Variants in GANC observed in about 807,000 individuals in gnomAD.
GANC encodes the protein neutral alpha-glucosidase C.
A neutral mutation model predicts 124.2 loss-of-function variants in GANC; 117 were observed. The ratio of observed to expected loss-of-function variants is 0.94; its 90% CI spans 0.81 to 1.10. The LOEUF (loss-of-function observed/expected upper bound fraction) is 1.10. GANC is among the 50% of genes least tolerant of loss of function. The pLI, the probability that GANC is intolerant of heterozygous loss-of-function variation, is 0.00. For synonymous variants in GANC, 377 were observed against 376.8 expected, an observed-to-expected ratio of 1.00 and a Z score of -0.01; for missense variants, 1,140 against 1,095.0, an observed-to-expected ratio of 1.04 and a Z score of -0.58.
chr15:42,310,545 A>T (rs1344897132), intron 9 of GANC, 82 bp downstream of exon 9: 1 of 1,463,268 alleles, frequency 6.8e-7, no homozygotes, highest in African/African-American at 1.4e-5. Flanking sequence ...TTATCTTTGT[A>T]TTGGCACTTC....
chr15:42,330,492 G>T, intron 14 of GANC, 84 bp from the exon 15 acceptor site: 1 of 875,576 alleles, frequency 1.1e-6, no homozygotes, highest in Non-Finnish European at 1.9e-6. Context: ...CCTACTGTTT[G>T]CTTTTTGTAT....
chr15:42,342,365 T>C (rs919032452), intron 18 of GANC, among the ~76,000 whole-genome samples: 4 of 152,142 alleles, frequency 2.6e-5, no homozygotes, highest in African/African-American at 9.7e-5. Context: ...TGAGATCGCT[T>C]AAATTGAGGA....
intron 4 of GANC, among the ~76,000 whole-genome samples, chr15:42,290,997 A>G (rs780574301): frequency 4.6e-5 from 7 of 151,970 alleles, no homozygotes; most frequent in African/African-American, 1.7e-4. Context: ...TAAAATATAC[A>G]TGCACGGGGA....
intron 17 of GANC, 89 bp from the exon 18 acceptor site, chr15:42,340,601 T>TAA (rs369001717): frequency 0.022 from 17,483 of 778,312 alleles, no homozygotes; most frequent in East Asian, 0.03. Context: ...GAGATCCATC[T>TAA]AAAAAAAAAA....
At chr15:42,345,659 G>A in intron 19 of GANC, 99 bp from the exon 20 acceptor site, 3 of 672,304 alleles carry the variant, frequency 4.5e-6, no homozygotes, top group East Asian at 5.3e-5. Flanking sequence ...TAGCTTTCTG[G>A]TTATTTGAAA....
intron 15 of GANC, among the ~76,000 whole-genome samples, chr15:42,332,281 T>G (rs1336611633): frequency 6.6e-6 from 1 of 152,212 alleles, no homozygotes; most frequent in Admixed American, 6.5e-5. Flanking sequence ...TTTTTTCTTT[T>G]ATCTAACTTT....
chr15:42,329,321 C>G lies in GANC; in HGVS notation c.1516C>G (p.Leu506Val). The change falls in exon 14 of 24, where the codon CTC becomes GTC. Residue 506 changes from leucine to valine, a missense_variant. By Grantham distance (32) the Leu-to-Val change is conservative. Coordinates refer to ENST00000318010, the MANE Select transcript of GANC (RefSeq NM_198141.3). ...TACTTCCTAGGGATCTACGGACATC[C>G]TCTTCCTTTGGAATGACATGAATGA... The part of the protein sequence containing the change: ...FPVYQGSTDI[L>V]FLWNDMNEPS... 1 of 1,613,620 alleles carries G rather than the reference C, an allele frequency of 6.2e-7. No homozygotes were observed. Among genetic ancestry groups the G allele is most frequent in the South Asian group, 1.1e-5 (1 of 91,012 alleles).
intron 1 of GANC, 148 bp from the exon 2 acceptor site, chr15:42,276,195 ATTATG>A (rs2051669550): frequency 1.8e-6 from 1 of 552,118 alleles, no homozygotes; most frequent in South Asian, 2.1e-5. Flanking sequence ...ATAATGTGCT[ATTATG>A]TTATACTGTG....
chr15:42,292,609 T>C, intron 4 of GANC, 126 bp from the exon 5 acceptor site: 2 of 890,436 alleles, frequency 2.2e-6, no homozygotes. Context: ...AACTTTTCTC[T>C]GTTGCCTTAT....
At chr15:42,286,416 A>G (rs932607505) in intron 3 of GANC, among the ~76,000 whole-genome samples, 1 of 152,186 alleles carries the variant, frequency 6.6e-6, no homozygotes. Flanking sequence ...CAATGGAAAC[A>G]CATGTTTAAA....
intron 23 of GANC, among the ~76,000 whole-genome samples, 187 bp from the exon 24 acceptor site, chr15:42,351,843 C>A (rs368640344): frequency 6.6e-6 from 1 of 152,114 alleles, no homozygotes; most frequent in Non-Finnish European, 1.5e-5. Flanking sequence ...ACCAATCTTG[C>A]GGTCAAAACA....
intron 14 of GANC, among the ~76,000 whole-genome samples, chr15:42,329,951 T>C (rs926002375): frequency 1.3e-5 from 2 of 152,336 alleles, no homozygotes; most frequent in Middle Eastern, 3.4e-3. Flanking sequence ...TCAATAAAGG[T>C]GGTAAAATTA....
In GANC at chr15:42,338,497, T is replaced by G; in HGVS notation, c.1843+7T>G. ...GGGATCTCTTTTTGCGGAGGTAAGA[T>G]GAGTCCTTTGAGGCTTGAAGTGCAA... On this transcript the variant is annotated splice_region_variant and intron_variant, in intron 16 of 23. Coordinates refer to ENST00000318010, the MANE Select transcript of GANC (RefSeq NM_198141.3). 6.4e-7 allele frequency: 1 copy of G among 1,571,392 alleles called. No individual in the cohort carries two copies.
intron 13 of GANC, 27 bp from the exon 14 acceptor site, chr15:42,329,279 G>A (rs1481838561): frequency 1.3e-6 from 2 of 1,599,734 alleles, no homozygotes; most frequent in Admixed American, 1.8e-5. Context: ...CAATGTAGGA[G>A]TGTCATGACC....
intron 20 of GANC, 138 bp from the exon 21 acceptor site, chr15:42,347,965 C>A (rs2141082908): frequency 7.5e-6 from 4 of 534,490 alleles, no homozygotes; most frequent in Non-Finnish European, 1.3e-5. Context: ...TATTTGCCAT[C>A]TCTGTGCCCC....
chr15:42,315,288 T>C (rs1488803144), intron 10 of GANC, among the ~76,000 whole-genome samples: 1 of 152,082 alleles, frequency 6.6e-6, no homozygotes, highest in African/African-American at 2.4e-5. Flanking sequence ...TACCAAATTC[T>C]TAAACAACAA....
rs148559490 is a variant in GANC, at chr15:42,352,955, C to CA, written c.*823dup. The CA allele has an allele frequency of 6.9e-6, 4 of 576,188 alleles. No individual in the cohort carries two copies. The highest frequency in any genetic ancestry group is 8.8e-6 in the Non-Finnish European group (4 of 457,062). 35.7% of individuals were successfully genotyped at this position (576,188 alleles called of 1,614,324 possible). ...CTTGGGCACAAAATGTAAGGGATGC[C>CA]AAAAAAATACAGTAATCAAAGTAAG... is the stretch of plus-strand genomic sequence containing the variant. On this transcript the variant is annotated 3_prime_UTR_variant, in exon 24 of 24. Transcript: ENST00000318010.
chr15:42,306,637 T>C, intron 7 of GANC, 25 bp downstream of exon 7: 1 of 1,474,226 alleles, frequency 6.8e-7, no homozygotes, highest in Non-Finnish European at 9.4e-7. Flanking sequence ...GGTATAGTAT[T>C]AAAACAGATC....
chr15:42,345,798 G>A lies in GANC; in HGVS notation c.2270G>A (p.Gly757Glu). 1 of 1,612,208 alleles carries A rather than the reference G, an allele frequency of 6.2e-7. No homozygotes were observed. The highest frequency in any genetic ancestry group is 8.5e-7 in the Non-Finnish European group (1 of 1,178,440). ...DYKTFAHWEG[G>E]CTVKIPVALD... Reference sequence around the variant, plus strand: ...AAGACATTTGCTCATTGGGAAGGAGGGTGTACTGTAAAGATCCCAGTAGCC... The same window carrying A: ...AAGACATTTGCTCATTGGGAAGGAGAGTGTACTGTAAAGATCCCAGTAGCC... Residue 757 changes from glycine (G) to glutamate (E), a missense_variant, in exon 20 of 24, where the codon GGG (glycine) becomes GAG (glutamate). Transcript: ENST00000318010.
Sources: gnomAD v4.1 joint callset for allele counts (sites outside exome capture counted in the v4.1 genomes callset) on GRCh38, gnomAD v4.1.1 for gene constraint, MANE v1.5 for transcripts, NCBI Gene and HGNC (gene_info 2026-07-23, HGNC 2026-07-21) for gene names.